Variants in PLEKHG4B observed in about 807,000 individuals in gnomAD.
PLEKHG4B encodes the protein pleckstrin homology domain-containing family G member 4B.
In PLEKHG4B, 111 loss-of-function variants were observed where a neutral mutation model predicts 121.3. The observed-to-expected ratio is 0.92, with a 90% CI of 0.78 to 1.07. The LOEUF is 1.07. PLEKHG4B is among the 50% of genes least tolerant of loss of function. The probability of loss-of-function intolerance (pLI) is 0.00; values close to 1 mark genes in which losing one functional copy is unlikely to be tolerated. For missense variants in PLEKHG4B, 1,831 were observed against 1,757.8 expected (o/e 1.04, Z -0.74); for synonymous variants, 738 against 725.0 (o/e 1.02, Z -0.29).
chr5:176,500 C>T (rs1010606721), intron 18 of PLEKHG4B, among the ~76,000 whole-genome samples: 24 of 152,218 alleles, frequency 1.6e-4, no homozygotes, highest in African/African-American at 4.6e-4. Context: ...GGACGGGGTC[C>T]GTGCTCGCAA....
intron 11 of PLEKHG4B, among the ~76,000 whole-genome samples, chr5:160,880 G>A (rs1233733054): frequency 1.2e-4 from 19 of 152,134 alleles, no homozygotes; most frequent in Admixed American, 1.2e-3. Context: ...GCAAGACTCT[G>A]CCCGTGCTCC....
At chr5:176,999 T>C (rs1232942418) in intron 18 of PLEKHG4B, among the ~76,000 whole-genome samples, 1 of 152,224 alleles carries the variant, frequency 6.6e-6, no homozygotes, top group African/African-American at 2.4e-5. Flanking sequence ...CATTGCGTCA[T>C]TGGTCACTTA....
intron 18 of PLEKHG4B, among the ~76,000 whole-genome samples, chr5:178,496 T>C (rs1406882193): frequency 6.6e-6 from 1 of 152,220 alleles, no homozygotes; most frequent in Non-Finnish European, 1.5e-5. Flanking sequence ...ATTGTGTTTT[T>C]CAGATTTTTT....
At chr5:109,397 C>CAAAAAAAAAA (rs34972342) in intron 1 of PLEKHG4B, among the ~76,000 whole-genome samples, 2 of 61,838 alleles carry the variant, frequency 3.2e-5, no homozygotes, top group Admixed American at 1.6e-4. Flanking sequence ...ACTCTGTCTC[C>CAAAAAAAAAA]AAAAAAAAAA....
At chr5:170,362 G>A (rs1476258342) in intron 14 of PLEKHG4B, among the ~76,000 whole-genome samples, 3 of 152,104 alleles carry the variant, frequency 2.0e-5, no homozygotes, top group South Asian at 4.2e-4. Flanking sequence ...GAGTGCAGTG[G>A]CACAATCACA....
chr5:110,908 G>A (rs1185227310), intron 1 of PLEKHG4B, among the ~76,000 whole-genome samples: 2 of 152,270 alleles, frequency 1.3e-5, no homozygotes, highest in Non-Finnish European at 2.9e-5. Context: ...ACAAAGACAA[G>A]AAATTGGGCT....
chr5:131,505 G>C (rs1411129793), intron 2 of PLEKHG4B, among the ~76,000 whole-genome samples: 1 of 152,048 alleles, frequency 6.6e-6, no homozygotes, highest in Non-Finnish European at 1.5e-5. Flanking sequence ...TCTTAATCAA[G>C]TCTGTCATTG....
intron 1 of PLEKHG4B, among the ~76,000 whole-genome samples, chr5:108,915 C>T (rs1336379484): frequency 5.3e-5 from 8 of 152,210 alleles, no homozygotes; most frequent in Non-Finnish European, 2.9e-5. Flanking sequence ...GTACCTGGGC[C>T]AGACGCCAGG....
At chr5:172,392 C>T (rs1178660545) in intron 16 of PLEKHG4B, among the ~76,000 whole-genome samples, 1 of 152,212 alleles carries the variant, frequency 6.6e-6, no homozygotes, top group Non-Finnish European at 1.5e-5. Context: ...TCTGACCCAG[C>T]TTGAAGGGAT....
At chr5:134,479 A>G (rs989107597) in intron 2 of PLEKHG4B, among the ~76,000 whole-genome samples, 29 of 152,154 alleles carry the variant, frequency 1.9e-4, no homozygotes, top group African/African-American at 7.0e-4. Context: ...ATTAAAAAAA[A>G]TGAAGTCCAG....
chr5:94,379 G>C (rs1167435555), intron 1 of PLEKHG4B, among the ~76,000 whole-genome samples: 2 of 152,060 alleles, frequency 1.3e-5, no homozygotes, highest in Non-Finnish European at 2.9e-5. Context: ...CTTCCACCAT[G>C]CTGTTGAAGA....
chr5:174,142 A>G, intron 18 of PLEKHG4B, 44 bp downstream of exon 18: 2 of 1,249,930 alleles, frequency 1.6e-6, no homozygotes, highest in Non-Finnish European at 2.1e-6. Context: ...TCAGGGGCAC[A>G]GCTAGGGGCA....
rs959747374 is a variant in PLEKHG4B, at chr5:104,277, A to G, written c.46-8974A>G. On this transcript the variant is annotated intron_variant, in intron 1 of 19. Coordinates refer to ENST00000637938, the MANE Select transcript of PLEKHG4B (RefSeq NM_052909.5). Reference sequence around the variant, plus strand: ...TCCTAAACAACCTCAGCCCAGTCCCAGCACCGATTCCTAGACAACCTCAGC... The same window carrying G: ...TCCTAAACAACCTCAGCCCAGTCCCGGCACCGATTCCTAGACAACCTCAGC... 7.9e-5 allele frequency among the ~76,000 whole-genome samples: 12 copies of G among 152,038 alleles called. No individual in the cohort carries two copies. The East Asian group carries it at 9.7e-4, about 12-fold the overall frequency.
intron 2 of PLEKHG4B, among the ~76,000 whole-genome samples, chr5:126,459 A>ATCTT (rs1734616663): frequency 6.6e-6 from 1 of 152,080 alleles, no homozygotes; most frequent in Non-Finnish European, 1.5e-5. Context: ...TTTTTTGAGC[A>ATCTT]TCTTTAAGAC....
In PLEKHG4B at chr5:154,962, A is replaced by G; in HGVS notation, c.2080A>G (p.Ser694Gly). 9 of 1,613,424 alleles carry G rather than the reference A, an allele frequency of 5.6e-6. No homozygotes were observed. Among genetic ancestry groups the G allele is most frequent in the Non-Finnish European group, 7.6e-6 (9 of 1,180,016 alleles). ...TADLDGSFPY[S>G]HGDWICFRQR... Reference sequence around the variant, plus strand: ...AGACCTCGACGGCTCCTTTCCCTACAGCCATGGTGACTGGATCTGCTTCCG... The same window carrying G: ...AGACCTCGACGGCTCCTTTCCCTACGGCCATGGTGACTGGATCTGCTTCCG... Residue 694 changes from serine to glycine, a missense_variant, in exon 8 of 20, where the codon AGC becomes GGC. Ser to Gly is a moderately conservative substitution (Grantham distance 56, BLOSUM62 0). Transcript: ENST00000637938.
intron 6 of PLEKHG4B, 59 bp from the exon 7 acceptor site, chr5:151,454 A>G: frequency 8.3e-7 from 1 of 1,202,462 alleles, no homozygotes; most frequent in Non-Finnish European, 1.2e-6. Flanking sequence ...GGGCAATTCT[A>G]TTAATGAAGT....
intron 6 of PLEKHG4B, among the ~76,000 whole-genome samples, chr5:151,078 C>T (rs1735589263): frequency 6.6e-6 from 1 of 152,210 alleles, no homozygotes; most frequent in Non-Finnish European, 1.5e-5. Flanking sequence ...AGAGAGGCCA[C>T]TCCTGCCTGA....
chr5:185,860 G>GTC lies in PLEKHG4B; in HGVS notation c.*3546_*3547dup, dbSNP rs1733608783. The GTC allele has an allele frequency of 6.6e-6, 1 of 152,418 alleles. No individual in the cohort carries two copies. Among genetic ancestry groups the GTC allele is most frequent in the African/African-American group, 2.4e-5 (1 of 41,602 alleles). 9.4% of individuals were successfully genotyped at this position (152,418 alleles called of 1,614,324 possible). On this transcript the variant is annotated 3_prime_UTR_variant, in exon 20 of 20. Transcript: ENST00000637938. Reference sequence around the variant, plus strand: ...GCACAAGCCTCCAGTCAAAAGATGGGTCTCTCTCTCCTGATAGCATGGAGC... The same window carrying GTC: ...GCACAAGCCTCCAGTCAAAAGATGGGTCTCTCTCTCTCCTGATAGCATGGAGC...
rs768811829 is a variant in PLEKHG4B, at chr5:163,386, G to A, written c.3314G>A (p.Ser1105Asn). The change falls in exon 13 of 20, where the codon AGT becomes AAT. Residue 1105 changes from serine (S) to asparagine (N), a missense_variant. By Grantham distance (46) the Ser-to-Asn change is conservative (BLOSUM62 1). Coordinates refer to ENST00000637938, the MANE Select transcript of PLEKHG4B (RefSeq NM_052909.5). ...PRDSCQPDHT[S>N]VFSKGLEVTS... ...GACTCCTGCCAGCCAGACCATACTAGTGTCTTCAGCAAGGGCCTGGAGGTA... is the reference window on the plus strand; with the variant it reads ...GACTCCTGCCAGCCAGACCATACTAATGTCTTCAGCAAGGGCCTGGAGGTA... 1.9e-6 allele frequency: 3 copies of A among 1,613,158 alleles called. No individual in the cohort carries two copies. Among genetic ancestry groups the A allele is most frequent in the Non-Finnish European group, 2.5e-6 (3 of 1,180,038 alleles).
Sources: gnomAD v4.1 joint callset for allele counts (sites outside exome capture counted in the v4.1 genomes callset) on GRCh38, gnomAD v4.1.1 for gene constraint, MANE v1.5 for transcripts, NCBI Gene and HGNC (gene_info 2026-07-23, HGNC 2026-07-21) for gene names.